The following ANKRD18A variants were observed in gnomAD, a reference collection of about 807,000 sequenced individuals.
ANKRD18A encodes the protein ankyrin repeat domain 18A, also known as ankyrin repeat domain-containing protein 18A.
Under a neutral mutation model 110.6 loss-of-function variants are expected in ANKRD18A, and 72 were observed. That is an observed-to-expected ratio of 0.65 (90% CI 0.54 to 0.79). The LOEUF is 0.79. ANKRD18A is among the 30% of genes least tolerant of loss of function. ANKRD18A has a pLI of 0.00. For missense variants in ANKRD18A, 934 were observed against 1,163.3 expected, an observed-to-expected ratio of 0.80 and a Z score of 2.87; for synonymous variants, 305 against 410.3, an observed-to-expected ratio of 0.74 and a Z score of 3.10.
intron 3 of ANKRD18A, among the ~76,000 whole-genome samples, chr9:38,613,602 A>G (rs999312024): frequency 6.6e-6 from 1 of 152,232 alleles, no homozygotes; most frequent in African/African-American, 2.4e-5. Context: ...CAGATTGTTC[A>G]CCAAATGGAC....
At chr9:38,574,229 T>C (rs541619384) in intron 15 of ANKRD18A, among the ~76,000 whole-genome samples, 2 of 152,324 alleles carry the variant, frequency 1.3e-5, no homozygotes, top group East Asian at 3.9e-4. Flanking sequence ...GCAAAGGACA[T>C]GATTTTATTC....
downstream of ANKRD18A, chr9:38,566,855 A>T (rs1270746652): frequency 6.6e-6 from 1 of 152,212 alleles, no homozygotes; most frequent in Admixed American, 6.5e-5. Context: ...GTCACTCATG[A>T]TTGTGAGGAC....
chr9:38,590,348 C>A (rs1402100429), intron 10 of ANKRD18A, among the ~76,000 whole-genome samples: 1 of 151,900 alleles, frequency 6.6e-6, no homozygotes, highest in Non-Finnish European at 1.5e-5. Context: ...ACTTCCACCT[C>A]CTGGGTTCAA....
At chr9:38,602,053 G>A (rs1825139357) in intron 7 of ANKRD18A, among the ~76,000 whole-genome samples, 1 of 148,976 alleles carries the variant, frequency 6.7e-6, no homozygotes, top group South Asian at 2.1e-4. Context: ...CCTGAATCTG[G>A]CTATCTTTTC....
chr9:38,599,962 T>A (rs1202050884), intron 8 of ANKRD18A, among the ~76,000 whole-genome samples: 12 of 152,234 alleles, frequency 7.9e-5, no homozygotes, highest in Non-Finnish European at 1.3e-4. Flanking sequence ...TTCTCAGATG[T>A]CTTTTCTGAC....
chr9:38,585,458 G>T (rs972945101), intron 12 of ANKRD18A, among the ~76,000 whole-genome samples: 3 of 152,058 alleles, frequency 2.0e-5, no homozygotes, highest in African/African-American at 7.2e-5. Context: ...AACTCTGTCT[G>T]CTGGAAATGT....
chr9:38,569,437 T>C (rs577205075), downstream of ANKRD18A: 214 of 985,096 alleles, frequency 2.2e-4, 1 homozygote, highest in South Asian at 6.4e-3. Context: ...AGATGTGCCT[T>C]TCACCTAGAA....
chr9:38,569,253 A>AGG (rs1823551994), downstream of ANKRD18A: 2 of 916,740 alleles, frequency 2.2e-6, no homozygotes, highest in African/African-American at 3.7e-5. Context: ...AATTGCTGCA[A>AGG]GGATGAATGA....
intron 5 of ANKRD18A, among the ~76,000 whole-genome samples, chr9:38,608,274 T>C (rs9408303): frequency 0.011 from 1,665 of 152,158 alleles, 29 homozygotes; most frequent in African/African-American, 0.038. Flanking sequence ...CTTCTCTACC[T>C]CCTCAAACTC....
intron 8 of ANKRD18A, among the ~76,000 whole-genome samples, chr9:38,600,661 A>G (rs1479190452): frequency 5.3e-5 from 8 of 152,286 alleles, no homozygotes; most frequent in Non-Finnish European, 1.0e-4. Context: ...TAGACACTGA[A>G]GGCAACCAGA....
intron 3 of ANKRD18A, among the ~76,000 whole-genome samples, chr9:38,611,695 G>A (rs1476563522): frequency 6.6e-6 from 1 of 152,040 alleles, no homozygotes; most frequent in African/African-American, 2.4e-5. Flanking sequence ...AGACATAGTA[G>A]CGAATGCTTT....
chr9:38,570,499 C>T (rs1360352837), downstream of ANKRD18A, among the ~76,000 whole-genome samples: 3 of 152,244 alleles, frequency 2.0e-5, no homozygotes, highest in African/African-American at 7.2e-5. Context: ...CAGGTCCCCA[C>T]TGACTAGGCT....
At chr9:38,576,132 ATGT>A (rs1823885719) in intron 14 of ANKRD18A, among the ~76,000 whole-genome samples, 1 of 152,234 alleles carries the variant, frequency 6.6e-6, no homozygotes, top group Admixed American at 6.5e-5. Context: ...TGAAAACATC[ATGT>A]TGTACTCCTT....
rs1824868164 is a variant in ANKRD18A, at chr9:38,596,105, T to C, written c.1235A>G (p.Lys412Arg). 3 of 1,551,148 alleles carry C rather than the reference T, an allele frequency of 1.9e-6. No individual in the cohort carries two copies. The change falls in exon 9 of 16, where the codon AAA (lysine) becomes AGA (arginine). Residue 412 changes from lysine to arginine, a missense_variant. Lys to Arg is a conservative substitution (Grantham distance 26). Around this residue, in one of 4 missense-constraint regions of ANKRD18A, gnomAD observed 630 missense variants for 797.5 expected, o/e 0.79. Coordinates refer to ENST00000399703, the MANE Select transcript of ANKRD18A (RefSeq NM_147195.4). ...NSELEKEKHN[K>R]ERLEAEVESL... ...TTCAACTTCAGCTTCTAGTCTTTCT[T>C]TGTTGTGTTTTTCCTTCTCCAATTC...
chr9:38,614,981 G>A (rs1053195168), intron 3 of ANKRD18A, among the ~76,000 whole-genome samples: 1 of 152,146 alleles, frequency 6.6e-6, no homozygotes, highest in Non-Finnish European at 1.5e-5. Flanking sequence ...CTTTAGGCAA[G>A]TTTCGGTCAC....
intron 10 of ANKRD18A, among the ~76,000 whole-genome samples, chr9:38,590,266 TA>T (rs1824587940): frequency 6.6e-6 from 1 of 151,982 alleles, no homozygotes; most frequent in African/African-American, 2.4e-5. Flanking sequence ...TTTTCTTATT[TA>T]TTTTTTTTGA....
intron 10 of ANKRD18A, among the ~76,000 whole-genome samples, chr9:38,590,145 C>T (rs183608293): frequency 0.012 from 1,841 of 151,982 alleles, 37 homozygotes; most frequent in African/African-American, 0.042. Flanking sequence ...TTTGTCCTTT[C>T]TTTTTCTTTC....
At chr9:38,584,078 G>A (rs1824273270) in intron 12 of ANKRD18A, among the ~76,000 whole-genome samples, 1 of 152,130 alleles carries the variant, frequency 6.6e-6, no homozygotes, top group African/African-American at 2.4e-5. Context: ...TGCCTGTCCT[G>A]GTATTCAATT....
chr9:38,569,614 C>T (rs565780163), downstream of ANKRD18A, among the ~76,000 whole-genome samples: 1 of 152,238 alleles, frequency 6.6e-6, no homozygotes, highest in South Asian at 2.1e-4. Flanking sequence ...GTCCTCTATC[C>T]CCTGAACTGA....
Sources: allele counts gnomAD v4.1 joint callset (sites outside exome capture counted in the v4.1 genomes callset), GRCh38; gene constraint gnomAD v4.1.1; regional missense constraint gnomAD v4.1.1; transcripts MANE v1.5; gene names NCBI Gene and HGNC (gene_info 2026-07-23, HGNC 2026-07-21).